The following DPYD variants were observed in gnomAD, a reference collection of about 807,000 sequenced individuals.
The protein encoded by DPYD is dihydropyrimidine dehydrogenase, also known as dihydropyrimidine dehydrogenase [NADP(+)].
In DPYD, 109 loss-of-function variants were observed where a neutral mutation model predicts 116.2. The observed-to-expected ratio is 0.94, with a 90% confidence interval of 0.80 to 1.10. The LOEUF (loss-of-function observed/expected upper bound fraction) is 1.10, where lower values mean the gene tolerates loss of function less well. DPYD is among the 50% of genes least tolerant of loss of function. DPYD has a pLI of 0.00. For synonymous variants in DPYD, 440 were observed against 432.0 expected (o/e 1.02, Z -0.23); for missense variants, 1,302 against 1,254.5 (o/e 1.04, Z -0.57).
chr1:97,722,660 C>T (rs1035579084), intron 4 of DPYD, among the ~76,000 whole-genome samples: 1 of 151,578 alleles, frequency 6.6e-6, no homozygotes, highest in East Asian at 1.9e-4. Flanking sequence ...TTTGAAAGCA[C>T]AGACGTTGCT....
intron 8 of DPYD, among the ~76,000 whole-genome samples, chr1:97,655,403 C>T (rs1658849154): frequency 1.3e-5 from 2 of 152,098 alleles, no homozygotes; most frequent in Admixed American, 6.5e-5. Context: ...TCAAATAGAG[C>T]GAGACACATT....
chr1:97,312,509 A>G (rs567426342), intron 16 of DPYD, among the ~76,000 whole-genome samples: 1 of 152,008 alleles, frequency 6.6e-6, no homozygotes, highest in South Asian at 2.1e-4. Context: ...AAAAAGAATA[A>G]ATGTCAATAT....
intron 2 of DPYD, among the ~76,000 whole-genome samples, chr1:97,874,405 C>T (rs554173420): frequency 6.6e-6 from 1 of 151,962 alleles, no homozygotes; most frequent in Admixed American, 6.6e-5. Context: ...AACATTTATG[C>T]CACTTATGTT....
chr1:97,098,437 G>T (rs958829842), intron 21 of DPYD, 52 bp downstream of exon 21: 43 of 1,576,672 alleles, frequency 2.7e-5, no homozygotes, highest in Non-Finnish European at 3.5e-5. Flanking sequence ...AACTATATTT[G>T]TATATTTAAC....
At chr1:97,243,791 C>T (rs945417183) in intron 18 of DPYD, among the ~76,000 whole-genome samples, 1 of 151,470 alleles carries the variant, frequency 6.6e-6, no homozygotes, top group Non-Finnish European at 1.5e-5. Flanking sequence ...CAAGAGAGTC[C>T]CAGTTTATTA....
chr1:97,243,104 A>C (rs998587940), intron 18 of DPYD, among the ~76,000 whole-genome samples: 2 of 151,908 alleles, frequency 1.3e-5, no homozygotes, highest in African/African-American at 4.8e-5. Flanking sequence ...GCTACTTGAC[A>C]GCAAGATGCA....
intron 14 of DPYD, among the ~76,000 whole-genome samples, chr1:97,414,109 A>C (rs1046658528): frequency 6.6e-6 from 1 of 152,164 alleles, no homozygotes; most frequent in Non-Finnish European, 1.5e-5. Flanking sequence ...AAAACAAAAC[A>C]AAAAAACTAA....
At chr1:97,643,616 C>A (rs1379634829) in intron 8 of DPYD, among the ~76,000 whole-genome samples, 2 of 152,006 alleles carry the variant, frequency 1.3e-5, no homozygotes, top group East Asian at 3.9e-4. Flanking sequence ...AATCATTCTA[C>A]TATAGACACA....
chr1:97,876,928 G>C (rs541980880), intron 2 of DPYD, among the ~76,000 whole-genome samples: 139 of 152,140 alleles, frequency 9.1e-4, no homozygotes, highest in Non-Finnish European at 1.7e-3. Flanking sequence ...TTAATGGACA[G>C]AGAGACAAAA....
intron 3 of DPYD, among the ~76,000 whole-genome samples, chr1:97,759,952 A>G (rs1462489631): frequency 6.6e-6 from 1 of 152,128 alleles, no homozygotes; most frequent in Non-Finnish European, 1.5e-5. Flanking sequence ...TGCGCAAAAG[A>G]CTCTAAAAAC....
intron 18 of DPYD, among the ~76,000 whole-genome samples, chr1:97,285,174 C>T (rs1200949132): frequency 6.6e-6 from 1 of 152,172 alleles, no homozygotes; most frequent in African/African-American, 2.4e-5. Context: ...CTACAAAATT[C>T]ACAGTAAATA....
chr1:97,314,176 C>A (rs1424422157), intron 16 of DPYD, among the ~76,000 whole-genome samples: 1 of 151,876 alleles, frequency 6.6e-6, no homozygotes, highest in Non-Finnish European at 1.5e-5. Flanking sequence ...ACCTGAGGAC[C>A]CAGGCTGACC....
At chr1:97,129,158 A>C (rs1470781138) in intron 20 of DPYD, among the ~76,000 whole-genome samples, 2 of 150,306 alleles carry the variant, frequency 1.3e-5, no homozygotes, top group Admixed American at 6.7e-5. Context: ...TCCACCTCCC[A>C]GTTCAAGAGA....
chr1:97,482,820 C>T (rs995958837), intron 13 of DPYD, among the ~76,000 whole-genome samples: 1 of 152,110 alleles, frequency 6.6e-6, no homozygotes, highest in South Asian at 2.1e-4. Flanking sequence ...AAGATTTCAG[C>T]TCTTTTATAT....
chr1:97,858,093 T>C (rs778740409), intron 2 of DPYD, among the ~76,000 whole-genome samples: 8 of 152,158 alleles, frequency 5.3e-5, no homozygotes, highest in Non-Finnish European at 8.8e-5. Context: ...TTCAGAATTA[T>C]AGCAAAATGC....
chr1:97,386,061 G>T (rs973282359), intron 14 of DPYD, among the ~76,000 whole-genome samples: 3 of 152,032 alleles, frequency 2.0e-5, no homozygotes, highest in Non-Finnish European at 2.9e-5. Flanking sequence ...TCTGACTGGG[G>T]AGGGGTGACC....
At chr1:97,673,751 C>A (rs1659997068) in intron 8 of DPYD, among the ~76,000 whole-genome samples, 1 of 152,006 alleles carries the variant, frequency 6.6e-6, no homozygotes, top group Non-Finnish European at 1.5e-5. Context: ...GAAGATGATT[C>A]ATTAATCCAG....
intron 2 of DPYD, among the ~76,000 whole-genome samples, chr1:97,859,203 A>G (rs1670993968): frequency 6.6e-6 from 1 of 152,156 alleles, no homozygotes; most frequent in Admixed American, 6.5e-5. Context: ...AAAATATGTA[A>G]GCTTAAAAAA....
intron 16 of DPYD, among the ~76,000 whole-genome samples, chr1:97,362,259 C>T (rs573066273): frequency 6.6e-6 from 1 of 152,094 alleles, no homozygotes; most frequent in Non-Finnish European, 1.5e-5. Context: ...TGTGAAGGAC[C>T]TCTTCAAGGA....
Sources: gnomAD v4.1 joint callset for allele counts (sites outside exome capture counted in the v4.1 genomes callset) on GRCh38, gnomAD v4.1.1 for gene constraint, MANE v1.5 for transcripts, NCBI Gene and HGNC (gene_info 2026-07-23, HGNC 2026-07-21) for gene names.